The following CCDC42 variants were observed in gnomAD, a reference collection of about 807,000 sequenced individuals.
CCDC42 encodes the protein coiled-coil domain containing 42, also known as coiled-coil domain-containing protein 42.
A neutral mutation model predicts 40.8 loss-of-function variants in CCDC42; 38 were observed. That is an observed-to-expected ratio of 0.93 (90% CI 0.72 to 1.22). The LOEUF is 1.22. Ranked by LOEUF, CCDC42 falls within the 50% of genes most tolerant of loss-of-function variation. The pLI, the probability that CCDC42 is intolerant of heterozygous loss-of-function variation, is 0.00. For missense variants in CCDC42, 379 were observed against 416.5 expected, an observed-to-expected ratio of 0.91 and a Z score of 0.78; for synonymous variants, 135 against 157.5, an observed-to-expected ratio of 0.86 and a Z score of 1.07.
At chr17:8,743,475 C>T (rs540994674) in intron 3 of CCDC42, 151 bp downstream of exon 3, 8 of 642,142 alleles carry the variant, frequency 1.2e-5, no homozygotes, top group Admixed American at 4.8e-5. Flanking sequence ...ACATAAAGGA[C>T]GCCTAGGGAC....
chr17:8,730,716 G>A (rs1377032832), intron 6 of CCDC42, among the ~76,000 whole-genome samples: 1 of 152,114 alleles, frequency 6.6e-6, no homozygotes, highest in Admixed American at 6.6e-5. Context: ...GGGTGTAGCC[G>A]ATGAGAAGCA....
At chr17:8,737,748 A>G (rs2086620428) in intron 4 of CCDC42, among the ~76,000 whole-genome samples, 1 of 152,222 alleles carries the variant, frequency 6.6e-6, no homozygotes, top group Non-Finnish European at 1.5e-5. Context: ...AAGCATACCA[A>G]CTAAGGGCAG....
intron 3 of CCDC42, among the ~76,000 whole-genome samples, chr17:8,743,037 C>A (rs1485929884): frequency 6.6e-6 from 1 of 152,180 alleles, no homozygotes; most frequent in Non-Finnish European, 1.5e-5. Flanking sequence ...TTGTGGCCGA[C>A]GGCAATCATT....
chr17:8,737,563 C>T (rs1351536544), intron 4 of CCDC42, among the ~76,000 whole-genome samples: 7 of 152,140 alleles, frequency 4.6e-5, no homozygotes, highest in East Asian at 3.8e-4. Flanking sequence ...TTATGAAGTC[C>T]TTTTCTTTAT....
intron 6 of CCDC42, among the ~76,000 whole-genome samples, chr17:8,731,476 C>A (rs183218589): frequency 2.4e-4 from 37 of 152,226 alleles, no homozygotes; most frequent in South Asian, 1.0e-3. Flanking sequence ...GAAGCACTAT[C>A]CACAATAGCA....
intron 3 of CCDC42, 92 bp from the exon 4 acceptor site, chr17:8,741,763 C>T (rs986625394): frequency 1.6e-6 from 2 of 1,249,676 alleles, no homozygotes; most frequent in Admixed American, 4.4e-5. Context: ...CCTCAGACCC[C>T]TCTGTCTGCA....
In CCDC42 at chr17:8,735,370, G is replaced by T; in HGVS notation, c.714+20C>A. The T allele has an allele frequency of 6.2e-7, 1 of 1,613,120 alleles. No individual in the cohort carries two copies. Among genetic ancestry groups the T allele is most frequent in the Admixed American group, 1.7e-5 (1 of 59,966 alleles). On this transcript the variant is annotated intron_variant, in intron 5 of 6. Coordinates refer to ENST00000293845, the MANE Select transcript of CCDC42 (RefSeq NM_144681.3). The surrounding 1 kb of genome is among the most constrained non-coding windows in gnomAD (Gnocchi z 4.7). ...CTCACCCAGTGCCTGGGAGCCCCCG[G>T]CCCGCCCCGGGCCCCTCACCCAGAA... is the stretch of plus-strand genomic sequence containing the variant.
intron 4 of CCDC42, among the ~76,000 whole-genome samples, chr17:8,738,010 TG>T (rs11415364): frequency 0.031 from 4,667 of 151,442 alleles, 242 homozygotes; most frequent in African/African-American, 0.1. Flanking sequence ...TTTGCAGATT[TG>T]GGGGGGGTCT....
At chr17:8,740,633 G>A (rs1286457645) in intron 4 of CCDC42, among the ~76,000 whole-genome samples, 1 of 152,142 alleles carries the variant, frequency 6.6e-6, no homozygotes, top group African/African-American at 2.4e-5. Flanking sequence ...AGGTGCCACT[G>A]AGTTGAGGGC....
chr17:8,744,072 T>TCC lies in CCDC42; in HGVS notation c.189+5_189+6dup. 3.1e-6 allele frequency: 5 copies of TCC among 1,605,298 alleles called. No individual in the cohort carries two copies. The highest frequency in any genetic ancestry group is 4.3e-6 in the Non-Finnish European group (5 of 1,174,252). On this transcript the variant is annotated splice_region_variant and intron_variant, in intron 2 of 6. Transcript: ENST00000293845. ...TGCCCCTCTGCACTCCATCCCTGAG[T>TCC]CCCCACCTTCTTCTTCTGCACCATA...
Position 8,735,236 on chromosome 17 carries a change from T to C in CCDC42, c.733A>G (p.Ile245Val). ...GTCTTCTTGGCTGCGGTGTTCTGGA[T>C]GTGCGCCCAGCGAGATTCCTGGAGA... ...VIFWESRWAH[I>V]QNTAAKKTLL... is the part of the protein sequence containing the mutation. Residue 245 changes from isoleucine (I) to valine (V), a missense_variant, in exon 6 of 7, where the codon ATC becomes GTC. Coordinates refer to ENST00000293845, the MANE Select transcript of CCDC42 (RefSeq NM_144681.3). This position sits in a 1 kb window ranked among gnomAD's most constrained non-coding sequence, Gnocchi z 4.7. 1.9e-6 allele frequency: 3 copies of C among 1,614,178 alleles called. No individual in the cohort carries two copies. Among genetic ancestry groups the C allele is most frequent in the Non-Finnish European group, 2.5e-6 (3 of 1,180,010 alleles).
chr17:8,742,287 T>C (rs1461082703), intron 3 of CCDC42, among the ~76,000 whole-genome samples: 2 of 152,094 alleles, frequency 1.3e-5, no homozygotes, highest in Non-Finnish European at 1.5e-5. Context: ...TTTCAGAAGC[T>C]GGGGCAACAG....
intron 6 of CCDC42, among the ~76,000 whole-genome samples, chr17:8,731,976 AAC>A (rs1486910387): frequency 6.6e-6 from 1 of 151,838 alleles, no homozygotes; most frequent in Non-Finnish European, 1.5e-5. Context: ...CATCCTGACT[AAC>A]ACAGTGAAAC....
chr17:8,738,393 G>C (rs1323642582), intron 4 of CCDC42, among the ~76,000 whole-genome samples: 1 of 151,844 alleles, frequency 6.6e-6, no homozygotes. Context: ...TTACTTTTGT[G>C]TATGCTTAAA....
At chr17:8,737,071 GGAAA>G (rs1208856577) in intron 4 of CCDC42, among the ~76,000 whole-genome samples, 1 of 149,442 alleles carries the variant, frequency 6.7e-6, no homozygotes, top group Non-Finnish European at 1.5e-5. Context: ...AAAAGAAAAA[GGAAA>G]GAAAGAAAAA....
rs1281225194 is a variant in CCDC42 at position 8,744,202 on chromosome 17, G to A, written c.84-18C>T. 2.5e-6 allele frequency: 4 copies of A among 1,583,420 alleles called. No individual in the cohort carries two copies. In the East Asian group the frequency reaches 8.9e-5, roughly 35 times the overall value. On this transcript the variant is annotated intron_variant, in intron 1 of 6. Coordinates refer to ENST00000293845, the MANE Select transcript of CCDC42 (RefSeq NM_144681.3). ...GGAGTTTCCTGTCCAAGATGTGAAC[G>A]CGAGAGGGCTGTGTGTTCTGACATG... is the stretch of plus-strand genomic sequence containing the variant.
At chr17:8,734,929 G>T (rs930044072) in intron 6 of CCDC42, among the ~76,000 whole-genome samples, 167 bp downstream of exon 6, 1 of 152,124 alleles carries the variant, frequency 6.6e-6, no homozygotes, top group African/African-American at 2.4e-5. Flanking sequence ...GAGACTCTGC[G>T]GGTGGGGCCC....
chr17:8,739,124 G>A (rs774058783), intron 4 of CCDC42, among the ~76,000 whole-genome samples: 62 of 152,334 alleles, frequency 4.1e-4, no homozygotes, highest in Non-Finnish European at 6.8e-4. Flanking sequence ...AGAAAGAGAG[G>A]GGGGCTGGGG....
intron 4 of CCDC42, among the ~76,000 whole-genome samples, chr17:8,739,483 T>C (rs1476308454): frequency 6.6e-6 from 1 of 152,182 alleles, no homozygotes; most frequent in East Asian, 1.9e-4. Context: ...GCCAATTTCC[T>C]CCATTCTAAG....
Sources: allele counts gnomAD v4.1 joint callset (sites outside exome capture counted in the v4.1 genomes callset), GRCh38; gene constraint gnomAD v4.1.1; non-coding constraint Gnocchi (gnomAD v3.1); transcripts MANE v1.5; gene names NCBI Gene and HGNC (gene_info 2026-07-23, HGNC 2026-07-21).